HACD1: variants seen among roughly 807,000 people sequenced by gnomAD.
HACD1 encodes the protein very-long-chain (3R)-3-hydroxyacyl-CoA dehydratase 1.
A neutral mutation model predicts 32.0 loss-of-function variants in HACD1; 41 were observed. That is an observed-to-expected ratio of 1.28 (90% CI 1.00 to 1.66). The LOEUF (loss-of-function observed/expected upper bound fraction) is 1.66. HACD1 is among the 40% of genes most tolerant of loss of function. The pLI, the probability that HACD1 is intolerant of heterozygous loss-of-function variation, is 0.00. For synonymous variants in HACD1, 142 were observed against 139.0 expected (o/e 1.02, Z -0.15); for missense variants, 396 against 380.1 (o/e 1.04, Z -0.35).
Position 17,590,466 on chromosome 10 carries a change from A to G in HACD1, c.785-20T>C, listed in dbSNP as rs1554815482. On this transcript the variant is annotated intron_variant, in intron 6 of 6. Coordinates refer to ENST00000361271, the MANE Select transcript of HACD1 (RefSeq NM_014241.4). The stretch of plus-strand genomic sequence containing the variant: ...GAAACACTTCATTGAAAAAGAAAAC[A>G]AAGAAAAACAAGCTATTGCTTTAAA... 1.3e-6 allele frequency: 2 copies of G among 1,520,056 alleles called. No homozygotes were observed. The highest frequency in any genetic ancestry group is 1.8e-6 in the Non-Finnish European group (2 of 1,112,436). The allele number at this position is 1,520,056 out of a possible 1,614,324, so 94.2% of individuals were successfully genotyped here.
rs188963709 is a variant in HACD1 at position 17,592,616 on chromosome 10, A to G, written c.784+1589T>C. On this transcript the variant is annotated intron_variant, in intron 6 of 6. Transcript: ENST00000361271. The stretch of plus-strand genomic sequence containing the variant: ...CTGAAAAAGGTGCTTCAGGCTCTCC[A>G]TTTCCATGGAGATGCCTCAAAAGCC... 6.2e-4 allele frequency among the ~76,000 whole-genome samples: 94 copies of G among 152,220 alleles called. 1 individual carries two copies. The highest frequency in any genetic ancestry group is 2.1e-3 in the African/African-American group (89 of 41,552).
intron 6 of HACD1, 21 bp from the exon 7 acceptor site, chr10:17,590,467 A>G: frequency 6.6e-7 from 1 of 1,516,248 alleles, no homozygotes; most frequent in Non-Finnish European, 9.0e-7. Context: ...AAAGAAAACA[A>G]AGAAAAACAA....
At chr10:17,600,384 G>T (rs1007609214) in intron 4 of HACD1, among the ~76,000 whole-genome samples, 2 of 152,048 alleles carry the variant, frequency 1.3e-5, no homozygotes, top group African/African-American at 4.8e-5. Context: ...GTGTCACCCG[G>T]GCTGGAGTGC....
chr10:17,592,460 T>TA (rs569473413), intron 6 of HACD1, among the ~76,000 whole-genome samples: 50 of 151,308 alleles, frequency 3.3e-4, no homozygotes, highest in African/African-American at 5.3e-4. Flanking sequence ...AGGAGGGAAT[T>TA]AAAAAAAAAT....
chr10:17,613,582 CCT>C (rs1833023928), intron 1 of HACD1, among the ~76,000 whole-genome samples: 1 of 152,182 alleles, frequency 6.6e-6, no homozygotes, highest in Non-Finnish European at 1.5e-5. Context: ...AATCTCACCG[CCT>C]CTAGAAAGCA....
intron 1 of HACD1, among the ~76,000 whole-genome samples, chr10:17,605,846 C>G (rs188319731): frequency 5.9e-5 from 9 of 151,836 alleles, no homozygotes; most frequent in African/African-American, 2.2e-4. Flanking sequence ...GCCAGCTACT[C>G]GGGAGGCTGA....
chr10:17,593,419 G>A (rs782193182), intron 6 of HACD1, among the ~76,000 whole-genome samples: 3 of 151,588 alleles, frequency 2.0e-5, no homozygotes, highest in Middle Eastern at 3.2e-3. Context: ...AGGTTCAAAC[G>A]ATTCTCCTGC....
chr10:17,591,720 C>T (rs10508534), intron 6 of HACD1, among the ~76,000 whole-genome samples: 40,777 of 116,418 alleles, frequency 0.35, 5,850 homozygotes, highest in Middle Eastern at 0.42. Flanking sequence ...AATAATCAAA[C>T]CAATGAACCT....
intron 6 of HACD1, 75 bp from the exon 7 acceptor site, chr10:17,590,521 G>A: frequency 9.0e-7 from 1 of 1,108,148 alleles, no homozygotes; most frequent in Non-Finnish European, 1.3e-6. Context: ...TGTTAAATGT[G>A]GCAATGTTAG....
chr10:17,616,644 T>TAAAAAA (rs11343373), intron 1 of HACD1, among the ~76,000 whole-genome samples: 51 of 125,256 alleles, frequency 4.1e-4, no homozygotes, highest in African/African-American at 1.5e-3. Flanking sequence ...TGCTGTGCTT[T>TAAAAAA]AAAAAAAAAA....
At chr10:17,591,136 T>C (rs1048431251) in intron 6 of HACD1, among the ~76,000 whole-genome samples, 6 of 152,160 alleles carry the variant, frequency 3.9e-5, no homozygotes, top group Non-Finnish European at 8.8e-5. Flanking sequence ...CTCTTCTCCA[T>C]TCTACTGGCT....
rs1833965532 is a variant in HACD1, at chr10:17,594,221, C to T, written c.768G>A (p.Met256Ile). The change falls in exon 6 of 7, where the codon ATG becomes ATA. Residue 256 changes from methionine (M) to isoleucine (I), a missense_variant. Met to Ile is a conservative substitution (Grantham distance 10, BLOSUM62 1). Coordinates refer to ENST00000361271, the MANE Select transcript of HACD1 (RefSeq NM_014241.4). ...TATACTTACAAGGTATATATGATGCCATGGTTATAAGAAGAAAATAATAGT... is the reference window on the plus strand; with the variant it reads ...TATACTTACAAGGTATATATGATGCTATGGTTATAAGAAGAAAATAATAGT... Reference protein sequence around the residue: ...FDYYYFLLITMASYIPLFPQL... With the variant: ...FDYYYFLLITIASYIPLFPQL... 1 of 1,564,218 alleles carries T rather than the reference C, an allele frequency of 6.4e-7. No individual in the cohort carries two copies.
chr10:17,598,620 G>A (rs1430895697), intron 5 of HACD1, among the ~76,000 whole-genome samples: 1 of 152,128 alleles, frequency 6.6e-6, no homozygotes, highest in Non-Finnish European at 1.5e-5. Flanking sequence ...ACAATACAAA[G>A]AATAAAATGA....
At chr10:17,606,100 A>C (rs1347591959) in intron 1 of HACD1, among the ~76,000 whole-genome samples, 1 of 152,148 alleles carries the variant, frequency 6.6e-6, no homozygotes, top group African/African-American at 2.4e-5. Flanking sequence ...ACTTGAGCAC[A>C]GAGGCGCTGG....
At chr10:17,591,976 A>ATCTT (rs1465312407) in intron 6 of HACD1, among the ~76,000 whole-genome samples, 1 of 96,942 alleles carries the variant, frequency 1.0e-5, no homozygotes, top group South Asian at 3.3e-4. Context: ...CCAGCTACTG[A>ATCTT]TTTTTTTTTT....
intron 4 of HACD1, chr10:17,602,807 C>T (rs2131511977): frequency 6.6e-6 from 1 of 152,248 alleles, no homozygotes; most frequent in East Asian, 1.9e-4. Flanking sequence ...TTCTAACTTT[C>T]AGTCTTTTCC....
At position 17,597,301 on chromosome 10, in the gene HACD1, T is replaced by C. The variant is rs1359536729; in HGVS notation, c.605+1989A>G. On this transcript the variant is annotated intron_variant, in intron 5 of 6. Transcript: ENST00000361271. ...AGCTGGGATTACAGGCACATGTGGCTAATTTTTTAATTTTTTAGTAGAGAT... is the reference window on the plus strand; with the variant it reads ...AGCTGGGATTACAGGCACATGTGGCCAATTTTTTAATTTTTTAGTAGAGAT... 2.0e-5 allele frequency among the ~76,000 whole-genome samples: 3 copies of C among 152,082 alleles called. No individual in the cohort carries two copies. In the East Asian group the frequency reaches 5.8e-4, roughly 29 times the overall value.
chr10:17,596,807 A>C (rs1298150606), intron 5 of HACD1, among the ~76,000 whole-genome samples: 2 of 152,174 alleles, frequency 1.3e-5, no homozygotes, highest in Non-Finnish European at 2.9e-5. Flanking sequence ...TAATATATAC[A>C]ATTACCTATT....
chr10:17,612,899 T>C (rs1389930264), intron 1 of HACD1, among the ~76,000 whole-genome samples: 1 of 143,078 alleles, frequency 7.0e-6, no homozygotes, highest in Non-Finnish European at 1.5e-5. Flanking sequence ...TCCAGCTGGG[T>C]GATAGAGCAA....
Sources: allele counts gnomAD v4.1 joint callset (sites outside exome capture counted in the v4.1 genomes callset), GRCh38; gene constraint gnomAD v4.1.1; transcripts MANE v1.5; gene names NCBI Gene and HGNC (gene_info 2026-07-23, HGNC 2026-07-21).